Variants in UTS2B observed in about 807,000 individuals in gnomAD.
The protein encoded by UTS2B is urotensin-2B.
Under a neutral mutation model 19.2 loss-of-function variants are expected in UTS2B, and 21 were observed. The ratio of observed to expected loss-of-function variants is 1.09; its 90% CI spans 0.78 to 1.58. The LOEUF (loss-of-function observed/expected upper bound fraction) is 1.58. Among genes scored for constraint, UTS2B ranks in the 40% most tolerant of loss-of-function variants. The pLI is 0.00. For missense variants in UTS2B, 138 were observed against 130.3 expected (o/e 1.06, Z -0.29); for synonymous variants, 57 against 50.2 (o/e 1.14, Z -0.58).
chr3:191,329,030 T>C (rs1717834092), intron 1 of UTS2B: 2 of 152,326 alleles, frequency 1.3e-5, no homozygotes, highest in Admixed American at 1.3e-4. Context: ...GTAAACATCC[T>C]GTGTTAATCT....
At chr3:191,307,233 T>C (rs1476487228) in intron 3 of UTS2B, among the ~76,000 whole-genome samples, 1 of 152,176 alleles carries the variant, frequency 6.6e-6, no homozygotes, top group African/African-American at 2.4e-5. Context: ...GGAAACTGAA[T>C]GTACCTTGAA....
At chr3:191,291,585 T>C (rs1716718731) in intron 4 of UTS2B, among the ~76,000 whole-genome samples, 2 of 152,184 alleles carry the variant, frequency 1.3e-5, no homozygotes, top group African/African-American at 4.8e-5. Context: ...CCTGAGTAGC[T>C]GGGACTACAG....
intron 4 of UTS2B, among the ~76,000 whole-genome samples, chr3:191,301,134 C>G (rs997993684): frequency 7.9e-5 from 12 of 152,136 alleles, no homozygotes; most frequent in African/African-American, 2.9e-4. Flanking sequence ...GCCTGTTCCT[C>G]TTTAGGTGGA....
intron 2 of UTS2B, among the ~76,000 whole-genome samples, chr3:191,326,150 CTA>C (rs905279207): frequency 1.3e-5 from 2 of 152,072 alleles, no homozygotes; most frequent in Non-Finnish European, 2.9e-5. Context: ...ATTCATTTGC[CTA>C]TATTGTTTTT....
At chr3:191,283,650 G>T (rs556528189) in intron 4 of UTS2B, among the ~76,000 whole-genome samples, 1 of 152,302 alleles carries the variant, frequency 6.6e-6, no homozygotes, top group East Asian at 1.9e-4. Context: ...AAACATGTTT[G>T]ATGTGTGACT....
the UTS2B span, among the ~76,000 whole-genome samples, chr3:191,345,767 T>G: frequency 6.6e-5 from 10 of 152,234 alleles, no homozygotes; most frequent in African/African-American, 2.2e-4. Flanking sequence ...GAACATACTT[T>G]GATAAATTAC....
chr3:191,303,091 T>C (rs912771234), intron 4 of UTS2B, among the ~76,000 whole-genome samples: 5 of 152,200 alleles, frequency 3.3e-5, no homozygotes, highest in African/African-American at 1.2e-4. Flanking sequence ...ACAGCATTTG[T>C]TCCTCATGTG....
the UTS2B span, among the ~76,000 whole-genome samples, chr3:191,344,691 G>A: frequency 6.6e-6 from 1 of 152,136 alleles, no homozygotes; most frequent in African/African-American, 2.4e-5. Context: ...CGATTCTCCT[G>A]CCTCAGCCTC....
At chr3:191,334,094 C>G (rs1020201093), upstream of UTS2B, among the ~76,000 whole-genome samples, 1 of 152,032 alleles carries the variant, frequency 6.6e-6, no homozygotes, top group Admixed American at 6.5e-5. Context: ...AAAGCAATAT[C>G]ACTCAATTTG....
chr3:191,270,883 C>T (rs1039334148), intron 8 of UTS2B, among the ~76,000 whole-genome samples: 20 of 151,994 alleles, frequency 1.3e-4, no homozygotes, highest in African/African-American at 4.6e-4. Context: ...GTTTCTTCCT[C>T]AGGAAATGAC....
intron 4 of UTS2B, among the ~76,000 whole-genome samples, chr3:191,295,937 C>G (rs907015405): frequency 2.6e-5 from 4 of 152,162 alleles, no homozygotes; most frequent in African/African-American, 9.7e-5. Flanking sequence ...AATAAGAAGT[C>G]TCATGTTCAC....
intron 3 of UTS2B, among the ~76,000 whole-genome samples, chr3:191,311,216 C>T (rs191970928): frequency 1.3e-5 from 2 of 152,336 alleles, no homozygotes; most frequent in African/African-American, 4.8e-5. Flanking sequence ...AGTCCTCACA[C>T]CTAAGAGTCT....
chr3:191,327,809 T>C (rs538449074), intron 2 of UTS2B, among the ~76,000 whole-genome samples: 1 of 152,226 alleles, frequency 6.6e-6, no homozygotes, highest in South Asian at 2.1e-4. Context: ...ATAAATATTC[T>C]CTAGACCACA....
At chr3:191,295,694 C>T (rs954179854) in intron 4 of UTS2B, among the ~76,000 whole-genome samples, 23 of 151,936 alleles carry the variant, frequency 1.5e-4, no homozygotes, top group African/African-American at 5.6e-4. Flanking sequence ...CATCTTTACC[C>T]TAATGTATCA....
At chr3:191,329,623 G>A (rs989067156) in intron 1 of UTS2B, 160 of 1,577,652 alleles carry the variant, frequency 1.0e-4, no homozygotes, top group Non-Finnish European at 1.4e-4. Flanking sequence ...GCTCGGCGCC[G>A]GCGGTGACCG....
At chr3:191,345,080 T>G in the UTS2B span, among the ~76,000 whole-genome samples, 3 of 152,164 alleles carry the variant, frequency 2.0e-5, no homozygotes, top group Admixed American at 2.0e-4. Context: ...ATGTCCTGAT[T>G]GAGCTCATTT....
chr3:191,300,125 G>A (rs6765280), intron 4 of UTS2B, among the ~76,000 whole-genome samples: 100,127 of 151,872 alleles, frequency 0.66, 32,992 homozygotes, highest in African/African-American at 0.68. Flanking sequence ...ATCTCGGCAC[G>A]CTGCAACCAC....
intron 5 of UTS2B, among the ~76,000 whole-genome samples, chr3:191,279,941 A>G (rs1019118552): frequency 1.1e-4 from 17 of 152,096 alleles, no homozygotes; most frequent in African/African-American, 3.9e-4. Flanking sequence ...TAATGTTTCT[A>G]TCTTTGAACA....
chr3:191,293,819 C>T (rs1716779200), intron 4 of UTS2B, among the ~76,000 whole-genome samples: 1 of 151,878 alleles, frequency 6.6e-6, no homozygotes, highest in Non-Finnish European at 1.5e-5. Context: ...AAGTGAGGGC[C>T]TGGTGCAGTG....
Sources: gnomAD v4.1 joint callset for allele counts (sites outside exome capture counted in the v4.1 genomes callset) on GRCh38, gnomAD v4.1.1 for gene constraint, MANE v1.5 for transcripts, NCBI Gene and HGNC (gene_info 2026-07-23, HGNC 2026-07-21) for gene names.